Variants in TNFRSF1B observed in about 807,000 individuals in gnomAD.
TNFRSF1B encodes tumor necrosis factor receptor superfamily member 1B.
A neutral mutation model predicts 44.6 loss-of-function variants in TNFRSF1B; 19 were observed. The ratio of observed to expected loss-of-function variants is 0.43; its 90% CI spans 0.30 to 0.62. The LOEUF is 0.62. Ranked by LOEUF, TNFRSF1B falls within the 20% of genes least tolerant of loss-of-function variation. The pLI is 0.16. For synonymous variants in TNFRSF1B, 252 were observed against 261.1 expected (o/e 0.97, Z 0.34); for missense variants, 541 against 619.9 (o/e 0.87, Z 1.35).
At position 12,199,692 on chromosome 1, in the gene TNFRSF1B, G is replaced by A. The variant is rs1639346134; in HGVS notation, c.901-2275G>A. Among the ~76,000 whole-genome samples the A allele has an allele frequency of 6.6e-6, 1 of 152,180 alleles. No individual in the cohort carries two copies. The highest frequency in any genetic ancestry group is 6.5e-5 in the Admixed American group (1 of 15,276). ...AGCTCCCTCTGGAGGGAGGCAGGAGGTCTCAGCCTTTCTTGGGGGGCGGTG... is the reference window on the plus strand; with the variant it reads ...AGCTCCCTCTGGAGGGAGGCAGGAGATCTCAGCCTTTCTTGGGGGGCGGTG... On this transcript the variant is annotated intron_variant, in intron 8 of 9. Coordinates refer to ENST00000376259, the MANE Select transcript of TNFRSF1B (RefSeq NM_001066.3). This position sits in a 1 kb window ranked among gnomAD's most constrained non-coding sequence, Gnocchi z 4.0.
At chr1:12,185,186 G>A (rs1008117309) in intron 1 of TNFRSF1B, among the ~76,000 whole-genome samples, 2 of 152,146 alleles carry the variant, frequency 1.3e-5, no homozygotes, top group South Asian at 2.1e-4. Flanking sequence ...TTTGGATGCC[G>A]GGTCTCGGCC....
At chr1:12,198,828 C>A (rs969108479) in intron 8 of TNFRSF1B, among the ~76,000 whole-genome samples, 1 of 151,742 alleles carries the variant, frequency 6.6e-6, no homozygotes, top group Non-Finnish European at 1.5e-5. Context: ...GTAGCTGGGA[C>A]TACAGGCACC....
rs1557629040 is a variant in TNFRSF1B at position 12,183,712 on chromosome 1, T to TAG, written c.79-5084_79-5083insAG. The stretch of plus-strand genomic sequence containing the variant: ...TCTATCTATCTATCTATCTATCTAT[T>TAG]CTATCTACCTATCTATCTATCTATC... On this transcript the variant is annotated intron_variant, in intron 1 of 9. Transcript: ENST00000376259. Among the ~76,000 whole-genome samples the TAG allele has an allele frequency of 7.2e-4, 41 of 57,202 alleles. 1 individual carries two copies. The highest frequency in any genetic ancestry group is 1.9e-3 in the African/African-American group (40 of 20,836). The allele number at this position is 57,202 out of a possible 152,430, so 37.5% of individuals were successfully genotyped here. A position where few individuals can be genotyped will look rare whatever the true frequency, so the allele number is the denominator to read the frequency against.
chr1:12,175,047 T>A (rs944179560), intron 1 of TNFRSF1B, among the ~76,000 whole-genome samples: 1 of 152,188 alleles, frequency 6.6e-6, no homozygotes, highest in Non-Finnish European at 1.5e-5. Context: ...GTTCAGAGAA[T>A]CAGTGCGCCT....
At chr1:12,206,380 C>G (rs1017153619) in intron 9 of TNFRSF1B, among the ~76,000 whole-genome samples, 38 of 148,454 alleles carry the variant, frequency 2.6e-4, no homozygotes, top group Non-Finnish European at 4.9e-4. Flanking sequence ...AAAAAAAAGA[C>G]AGAAGAGACA....
chr1:12,171,417 C>T lies in TNFRSF1B; in HGVS notation c.78+4248C>T, dbSNP rs1327867359. 6.6e-6 allele frequency among the ~76,000 whole-genome samples: 1 copy of T among 152,214 alleles called. No individual in the cohort carries two copies. The highest frequency in any genetic ancestry group is 1.5e-5 in the Non-Finnish European group (1 of 68,038). The stretch of plus-strand genomic sequence containing the variant: ...TTTCCCCATCACCTCCAATACTCCT[C>T]CTGCTGACGTCTCTTGGTCTCCTTC... On this transcript the variant is annotated intron_variant, in intron 1 of 9. Coordinates refer to ENST00000376259, the MANE Select transcript of TNFRSF1B (RefSeq NM_001066.3). This position sits in a 1 kb window ranked among gnomAD's most constrained non-coding sequence, Gnocchi z 4.5.
Position 12,198,691 on chromosome 1 carries a change from G to GTT in TNFRSF1B, c.901-3260_901-3259dup, listed in dbSNP as rs60313758. 1.3e-3 allele frequency among the ~76,000 whole-genome samples: 108 copies of GTT among 85,624 alleles called. 5 individuals are homozygous for GTT. The South Asian group carries it at 0.031, about 25-fold the overall frequency. 56.2% of individuals were successfully genotyped at this position (85,624 alleles called of 152,430 possible). ...TGGCTGGCTGGCTGGCTGGAATTCT[G>GTT]TTTTTTTTTTTTTTTTTGAGAAAGA... On this transcript the variant is annotated intron_variant, in intron 8 of 9. Transcript: ENST00000376259.
chr1:12,168,857 C>G lies in TNFRSF1B; in HGVS notation c.78+1688C>G, dbSNP rs543411959. Among the ~76,000 whole-genome samples, 6 of 152,290 alleles carry G rather than the reference C, an allele frequency of 3.9e-5. No individual in the cohort carries two copies. Among genetic ancestry groups the G allele is most frequent in the Non-Finnish European group, 8.8e-5 (6 of 68,012 alleles). On this transcript the variant is annotated intron_variant, in intron 1 of 9. Transcript: ENST00000376259. This position sits in a 1 kb window ranked among gnomAD's most constrained non-coding sequence, Gnocchi z 4.7. ...GACCCTTCTCAAGCATGAGGCACCTCTCTGTTTGCCTGGGGAGCCTCCTGT... is the reference window on the plus strand; with the variant it reads ...GACCCTTCTCAAGCATGAGGCACCTGTCTGTTTGCCTGGGGAGCCTCCTGT...
At chr1:12,188,592 C>T (rs1029360001) in intron 1 of TNFRSF1B, among the ~76,000 whole-genome samples, 1 of 152,162 alleles carries the variant, frequency 6.6e-6, no homozygotes, top group African/African-American at 2.4e-5. Flanking sequence ...CTAGGGTACA[C>T]TGAGGTGGGG....
rs1483688073 is a variant in TNFRSF1B, at chr1:12,183,817, TTCTATCTAC to T, written c.79-4978_79-4970del. The stretch of plus-strand genomic sequence containing the variant: ...ATCTATCTATCTAGCTATCTATCTA[TTCTATCTAC>T]CTATCTATCTATCTATCTATCTATC... On this transcript the variant is annotated intron_variant, in intron 1 of 9. Coordinates refer to ENST00000376259, the MANE Select transcript of TNFRSF1B (RefSeq NM_001066.3). Among the ~76,000 whole-genome samples, 748 of 110,398 alleles carry T rather than the reference TTCTATCTAC, an allele frequency of 6.8e-3. 17 individuals carry two copies. The highest frequency in any genetic ancestry group is 0.015 in the South Asian group (52 of 3,376). The allele number at this position is 110,398 out of a possible 152,430, so 72.4% of individuals were successfully genotyped here.
chr1:12,169,541 G>A lies in TNFRSF1B; in HGVS notation c.78+2372G>A, dbSNP rs1414300527. On this transcript the variant is annotated intron_variant, in intron 1 of 9. Transcript: ENST00000376259. The surrounding 1 kb of genome is among the most constrained non-coding windows in gnomAD (Gnocchi z 4.5). ...CTTTCACTGCACCCTCCCCGTGCCC[G>A]TATCTGCACTCATGCTCCCAGCCAG... 3.9e-5 allele frequency among the ~76,000 whole-genome samples: 6 copies of A among 152,140 alleles called. No individual in the cohort carries two copies. The highest frequency in any genetic ancestry group is 2.0e-4 in the Admixed American group (3 of 15,278).
chr1:12,201,324 G>T (rs551867092), intron 8 of TNFRSF1B, among the ~76,000 whole-genome samples: 2 of 151,734 alleles, frequency 1.3e-5, no homozygotes, highest in African/African-American at 4.8e-5. Flanking sequence ...TGGGCCTCTG[G>T]GCAATCATTT....
chr1:12,183,656 T>TTATCTATCTATCTATCTATCTATTCTATC (rs1638866050), intron 1 of TNFRSF1B, among the ~76,000 whole-genome samples: 45 of 125,334 alleles, frequency 3.6e-4, no homozygotes, highest in South Asian at 1.7e-3. Context: ...TTTATCTATT[T>TTATCTATCTATCTATCTATCTATTCTATC]TATCTATCTA....
chr1:12,200,621 CA>C (rs1455071808), intron 8 of TNFRSF1B, among the ~76,000 whole-genome samples: 1 of 152,056 alleles, frequency 6.6e-6, no homozygotes, highest in Non-Finnish European at 1.5e-5. Flanking sequence ...CCATGTGCCG[CA>C]AATTATTCTT....
intron 9 of TNFRSF1B, among the ~76,000 whole-genome samples, chr1:12,205,775 C>T (rs550907087): frequency 6.6e-4 from 100 of 151,944 alleles, no homozygotes; most frequent in Admixed American, 3.3e-4. Flanking sequence ...GCACCTGCCA[C>T]CATACCCGGC....
chr1:12,175,111 G>A (rs1400248874), intron 1 of TNFRSF1B, among the ~76,000 whole-genome samples: 1 of 152,228 alleles, frequency 6.6e-6, no homozygotes, highest in Non-Finnish European at 1.5e-5. Context: ...TGTGGACAGG[G>A]AGGGGGGAGG....
In TNFRSF1B at chr1:12,177,423, A is replaced by G. The variant is rs1460650065; in HGVS notation, c.78+10254A>G. ...GCTGGTTACCCCGGCTGGGTTGGGC[A>G]GGAGTCTGGGCAGGGCTGGTTGCTC... On this transcript the variant is annotated intron_variant, in intron 1 of 9. Coordinates refer to ENST00000376259, the MANE Select transcript of TNFRSF1B (RefSeq NM_001066.3). This position sits in a 1 kb window ranked among gnomAD's most constrained non-coding sequence, Gnocchi z 4.3. Among the ~76,000 whole-genome samples, 2 of 152,220 alleles carry G rather than the reference A, an allele frequency of 1.3e-5. No individual in the cohort carries two copies. Among genetic ancestry groups the G allele is most frequent in the Admixed American group, 1.3e-4 (2 of 15,288 alleles).
chr1:12,167,229 G>T lies in TNFRSF1B; in HGVS notation c.78+60G>T, dbSNP rs1017284612. The T allele has an allele frequency of 2.9e-5, 35 of 1,191,212 alleles. 1 individual carries two copies. Among genetic ancestry groups the T allele is most frequent in the African/African-American group, 7.9e-5 (5 of 63,072 alleles). The allele number at this position is 1,191,212 out of a possible 1,614,324, so 73.8% of individuals were successfully genotyped here. ...CCCCGCATGTCCACCCGGCTGGTGC[G>T]CAGCCTTCGGGTGCCCGGGCCGCGC... On this transcript the variant is annotated intron_variant, in intron 1 of 9. Coordinates refer to ENST00000376259, the MANE Select transcript of TNFRSF1B (RefSeq NM_001066.3).
chr1:12,170,821 C>T (rs1159252992), intron 1 of TNFRSF1B, among the ~76,000 whole-genome samples: 1 of 151,828 alleles, frequency 6.6e-6, no homozygotes, highest in Non-Finnish European at 1.5e-5. Context: ...CATGCACCAC[C>T]ATGCCCAACT....
Sources: gnomAD v4.1 joint callset for allele counts (sites outside exome capture counted in the v4.1 genomes callset) on GRCh38, gnomAD v4.1.1 for gene constraint, Gnocchi (gnomAD v3.1) non-coding constraint, MANE v1.5 for transcripts, NCBI Gene and HGNC (gene_info 2026-07-23, HGNC 2026-07-21) for gene names.